The following DNM3 variants were observed in gnomAD, a reference collection of about 807,000 sequenced individuals.
DNM3 encodes the protein dynamin-3.
DNM3 carries 47 observed loss-of-function variants against 101.6 expected under a neutral mutation model. That is an observed-to-expected ratio of 0.46 (90% CI 0.37 to 0.59). DNM3 has a LOEUF of 0.59. DNM3 is among the 20% of genes least tolerant of loss of function. DNM3 has a pLI of 0.00. For synonymous variants in DNM3, 385 were observed against 387.9 expected, an observed-to-expected ratio of 0.99 and a Z score of 0.09; for missense variants, 849 against 1,085.7, an observed-to-expected ratio of 0.78 and a Z score of 3.06.
chr1:172,081,748 A>G, intron 11 of DNM3, 84 bp from the exon 12 acceptor site: 1 of 1,081,240 alleles, frequency 9.2e-7, no homozygotes, highest in South Asian at 1.6e-5. Flanking sequence ...ATATGAAGGT[A>G]ATTAATTTGT....
chr1:172,366,605 C>T (rs2068033400), intron 17 of DNM3: 1 of 151,818 alleles, frequency 6.6e-6, no homozygotes, highest in African/African-American at 2.4e-5. Flanking sequence ...ACAGCCCCTG[C>T]ACAAGAATGA....
At position 172,248,174 on chromosome 1, in the gene DNM3, T is replaced by G. The variant is rs180777884; in HGVS notation, c.1660-5399T>G. Among the ~76,000 whole-genome samples the G allele has an allele frequency of 2.0e-5, 3 of 152,290 alleles. No individual in the cohort carries two copies. The East Asian group carries it at 5.8e-4, about 29-fold the overall frequency. On this transcript the variant is annotated intron_variant, in intron 14 of 20. Transcript: ENST00000627582. ...TCAAATCAGAGATATTGGTTTAGGT[T>G]AGTAAAACTTCATCTAACAAACTGT...
chr1:172,416,844 C>T (rs1377962996), downstream of DNM3, among the ~76,000 whole-genome samples: 1 of 152,178 alleles, frequency 6.6e-6, no homozygotes, highest in Admixed American at 6.5e-5. Context: ...CTTGCAGACC[C>T]CCTAGCCCCT....
At chr1:172,413,231 TTG>T (rs1469578700), downstream of DNM3, among the ~76,000 whole-genome samples, 1 of 151,912 alleles carries the variant, frequency 6.6e-6, no homozygotes, top group Non-Finnish European at 1.5e-5. Flanking sequence ...AGTTTTTTGT[TTG>T]TTTGTTTGTT....
intron 13 of DNM3, among the ~76,000 whole-genome samples, chr1:172,128,196 C>A (rs2056748895): frequency 6.6e-6 from 1 of 152,170 alleles, no homozygotes. Flanking sequence ...AGTTTTACCG[C>A]TACCAGTGTT....
chr1:172,371,877 A>AT (rs1014110120), intron 17 of DNM3, among the ~76,000 whole-genome samples: 5 of 143,240 alleles, frequency 3.5e-5, no homozygotes, highest in Middle Eastern at 3.6e-3. Flanking sequence ...TTTATTTTTT[A>AT]TTTTTTTTAC....
chr1:171,853,237 C>T (rs1403938543), intron 1 of DNM3, among the ~76,000 whole-genome samples: 2 of 152,036 alleles, frequency 1.3e-5, no homozygotes, highest in Admixed American at 1.3e-4. Context: ...GAAAACTGCT[C>T]ACTGCAGCCT....
At chr1:172,417,195 G>C (rs1247670827), downstream of DNM3, among the ~76,000 whole-genome samples, 1 of 152,136 alleles carries the variant, frequency 6.6e-6, no homozygotes, top group African/African-American at 2.4e-5. Flanking sequence ...GTCAAAGAGA[G>C]TAGGGTCTTG....
rs140106632 is a variant in DNM3, at chr1:172,302,717, G to A, written c.1770-6011G>A. 2.9e-3 allele frequency among the ~76,000 whole-genome samples: 448 copies of A among 152,226 alleles called. 1 individual carries two copies. Among genetic ancestry groups the A allele is most frequent in the African/African-American group, 9.3e-3 (386 of 41,546 alleles). On this transcript the variant is annotated intron_variant, in intron 15 of 20. Coordinates refer to ENST00000627582, the MANE Select transcript of DNM3 (RefSeq NM_015569.5). ...TATTTGCTGTTCTGCAGCCTCCGCCGGGTGATACCAAGGCAAACAGGGTCT... is the reference window on the plus strand; with the variant it reads ...TATTTGCTGTTCTGCAGCCTCCGCCAGGTGATACCAAGGCAAACAGGGTCT...
intron 4 of DNM3, among the ~76,000 whole-genome samples, chr1:172,015,472 C>T (rs527589379): frequency 1.1e-3 from 171 of 152,128 alleles, no homozygotes; most frequent in Admixed American, 2.2e-3. Context: ...TTTCCTCATA[C>T]GGATCTTGCA....
At chr1:172,282,317 A>G (rs950049718) in intron 15 of DNM3, among the ~76,000 whole-genome samples, 1 of 152,148 alleles carries the variant, frequency 6.6e-6, no homozygotes, top group Non-Finnish European at 1.5e-5. Context: ...AATAATAATC[A>G]CTACCAGTCA....
chr1:172,406,678 T>A (rs2070911365), intron 20 of DNM3, among the ~76,000 whole-genome samples: 1 of 152,068 alleles, frequency 6.6e-6, no homozygotes, highest in South Asian at 2.1e-4. Context: ...TCAACAACTA[T>A]TTTTTTCAAA....
intron 1 of DNM3, among the ~76,000 whole-genome samples, chr1:171,880,364 A>G (rs1201898452): frequency 6.6e-6 from 1 of 152,170 alleles, no homozygotes; most frequent in East Asian, 1.9e-4. Context: ...AGGTATCTCT[A>G]TGTATTTGTA....
chr1:172,285,032 G>A (rs2148798719), intron 15 of DNM3, among the ~76,000 whole-genome samples: 1 of 152,248 alleles, frequency 6.6e-6, no homozygotes, highest in Non-Finnish European at 1.5e-5. Flanking sequence ...GGGGAATAGA[G>A]GCAACAATGC....
At chr1:172,087,461 G>A (rs942618947) in intron 12 of DNM3, among the ~76,000 whole-genome samples, 3 of 151,998 alleles carry the variant, frequency 2.0e-5, no homozygotes, top group Non-Finnish European at 4.4e-5. Flanking sequence ...ATGTCTATTG[G>A]ACATCTCTAC....
At chr1:172,086,988 T>A (rs1363038140) in intron 12 of DNM3, among the ~76,000 whole-genome samples, 2 of 152,160 alleles carry the variant, frequency 1.3e-5, no homozygotes, top group Non-Finnish European at 1.5e-5. Context: ...CTGAGCCCTC[T>A]TTGAGTGGCC....
chr1:171,995,496 A>G lies in DNM3; in HGVS notation c.589+6348A>G, dbSNP rs142616968. The stretch of plus-strand genomic sequence containing the variant: ...CCAGAGTTCTGAAACAGTTGGCTTT[A>G]ACAATTTTTGCCAGTGTTCTTTCTT... On this transcript the variant is annotated intron_variant, in intron 4 of 20. Coordinates refer to ENST00000627582, the MANE Select transcript of DNM3 (RefSeq NM_015569.5). Among the ~76,000 whole-genome samples, 361 of 151,976 alleles carry G rather than the reference A, an allele frequency of 2.4e-3. 1 individual carries two copies. Among genetic ancestry groups the G allele is most frequent in the African/African-American group, 8.0e-3 (333 of 41,458 alleles).
chr1:171,951,895 A>C (rs2042551485), intron 2 of DNM3, among the ~76,000 whole-genome samples: 1 of 152,242 alleles, frequency 6.6e-6, no homozygotes, highest in Admixed American at 6.5e-5. Context: ...GTAAAATCAT[A>C]AATCAATACA....
At chr1:171,877,888 C>G (rs1021050048) in intron 1 of DNM3, among the ~76,000 whole-genome samples, 1 of 152,036 alleles carries the variant, frequency 6.6e-6, no homozygotes, top group Non-Finnish European at 1.5e-5. Flanking sequence ...AGACTTAGAC[C>G]GGGTGTCTGA....
Sources: allele counts gnomAD v4.1 joint callset (sites outside exome capture counted in the v4.1 genomes callset), GRCh38; gene constraint gnomAD v4.1.1; transcripts MANE v1.5; gene names NCBI Gene and HGNC (gene_info 2026-07-23, HGNC 2026-07-21).